TRIP12: variants seen among roughly 807,000 people sequenced by gnomAD.
TRIP12 encodes thyroid hormone receptor interactor 12, also known as E3 ubiquitin-protein ligase TRIP12.
A neutral mutation model predicts 244.2 loss-of-function variants in TRIP12; 25 were observed. The ratio of observed to expected loss-of-function variants is 0.10; its 90% confidence interval spans 0.07 to 0.14. TRIP12 has a LOEUF of 0.14. Ranked by LOEUF, TRIP12 falls within the 10% of genes least tolerant of loss-of-function variation. The pLI is 1.00. For synonymous variants in TRIP12, 905 were observed against 873.1 expected (o/e 1.04, Z -0.64); for missense variants, 1,677 against 2,486.4 (o/e 0.67, Z 6.92).
At chr2:229,810,776 A>G (rs2047071798) in intron 15 of TRIP12, 104 bp downstream of exon 15, 3 of 1,180,652 alleles carry the variant, frequency 2.5e-6, no homozygotes, top group African/African-American at 1.6e-5. Flanking sequence ...TCCAATGCCT[A>G]TAATATTAGT....
chr2:229,921,359 C>G (rs896066640), intron 1 of TRIP12: 1 of 152,916 alleles, frequency 6.5e-6, no homozygotes, highest in African/African-American at 2.4e-5. Context: ...GTTTCCATTT[C>G]CGGGCCGTCC....
At chr2:229,857,015 A>T (rs1325189188) in intron 4 of TRIP12, among the ~76,000 whole-genome samples, 2 of 152,210 alleles carry the variant, frequency 1.3e-5, no homozygotes, top group Non-Finnish European at 2.9e-5. Flanking sequence ...TTGTCATTTC[A>T]GGTAATATGT....
At chr2:229,781,977 T>C (rs1385450540) in intron 34 of TRIP12, among the ~76,000 whole-genome samples, 1 of 152,160 alleles carries the variant, frequency 6.6e-6, no homozygotes, top group African/African-American at 2.4e-5. Flanking sequence ...ACAACCTGTG[T>C]GAAGACATTT....
intron 2 of TRIP12, among the ~76,000 whole-genome samples, chr2:229,864,047 A>AGAGAGAGAGAGAGAGTGTGTGTGT: frequency 3.8e-5 from 3 of 79,288 alleles, no homozygotes; most frequent in Admixed American, 1.3e-4. Flanking sequence ...AGAGAGAGAG[A>AGAGAGAGAGAGAGAGTGTGTGTGT]GTGTGTGTGT....
Position 229,795,282 on chromosome 2 carries a change from G to A in TRIP12, c.3865C>T (p.Pro1289Ser), listed in dbSNP as rs766563649. Residue 1289 changes from proline (P) to serine (S), a missense_variant, in exon 26 of 42, where the codon CCT becomes TCT. By Grantham distance (74) the Pro-to-Ser change is moderately conservative. Coordinates refer to ENST00000675903, the MANE Select transcript of TRIP12 (RefSeq NM_001348323.3). ...ATCTTGTGAACTAATGCCAACAAAGGTGCATTACCCACTGGTTCCACTCTT... is the reference window on the plus strand; with the variant it reads ...ATCTTGTGAACTAATGCCAACAAAGATGCATTACCCACTGGTTCCACTCTT... ...IGRVEPVGNA[P>S]LLALVHKMNN... 6.2e-6 allele frequency: 10 copies of A among 1,613,978 alleles called. No homozygotes were observed. Among genetic ancestry groups the A allele is most frequent in the South Asian group, 1.1e-5 (1 of 91,068 alleles).
At chr2:229,782,079 C>G (rs997412335) in intron 34 of TRIP12, among the ~76,000 whole-genome samples, 1 of 152,138 alleles carries the variant, frequency 6.6e-6, no homozygotes, top group African/African-American at 2.4e-5. Context: ...GAAAAATATG[C>G]TGAAGAAAGT....
At chr2:229,902,091 T>A (rs928506124) in intron 1 of TRIP12, among the ~76,000 whole-genome samples, 2 of 152,082 alleles carry the variant, frequency 1.3e-5, no homozygotes, top group African/African-American at 4.8e-5. Context: ...TAACCTCTAA[T>A]TGAAATTAAA....
rs564003683 is a variant in TRIP12, at chr2:229,898,688, C to T, written c.-49-18560G>A. 8.5e-5 allele frequency among the ~76,000 whole-genome samples: 13 copies of T among 152,172 alleles called. No individual in the cohort carries two copies. The East Asian group carries it at 2.5e-3, about 29-fold the overall frequency. On this transcript the variant is annotated intron_variant, in intron 1 of 41. Transcript: ENST00000675903. ...CTTCTCTAAAATTTGCATCAGATAG[C>T]ATTTTGTTTAAATTTTTTTTTAAAG...
chr2:229,880,713 G>A (rs1300047871), intron 1 of TRIP12, among the ~76,000 whole-genome samples: 2 of 152,234 alleles, frequency 1.3e-5, no homozygotes, highest in East Asian at 1.9e-4. Flanking sequence ...GGAGGCTGAG[G>A]TGGGTGGATC....
Position 229,778,752 on chromosome 2 carries a change from A to G in TRIP12, c.5209+124T>C. Reference sequence around the variant, plus strand: ...AGGCCTTCCCTATTTGATAAATGAGAAAACAGAGGCTAAAAGAAAGCAAGT... The same window carrying G: ...AGGCCTTCCCTATTTGATAAATGAGGAAACAGAGGCTAAAAGAAAGCAAGT... On this transcript the variant is annotated intron_variant, in intron 35 of 41. Transcript: ENST00000675903. The surrounding 1 kb of genome is among the most constrained non-coding windows in gnomAD (Gnocchi z 4.1). 2.2e-6 allele frequency: 3 copies of G among 1,338,882 alleles called. No individual in the cohort carries two copies. The South Asian group carries it at 4.1e-5, about 18-fold the overall frequency. 82.9% of individuals were successfully genotyped at this position (1,338,882 alleles called of 1,614,324 possible).
intron 34 of TRIP12, among the ~76,000 whole-genome samples, chr2:229,782,185 A>G (rs1456803428): frequency 6.6e-6 from 1 of 152,108 alleles, no homozygotes; most frequent in African/African-American, 2.4e-5. Context: ...CCAACATATA[A>G]GAATCGCATC....
chr2:229,922,270 G>GTA, upstream of TRIP12: 3 of 526,214 alleles, frequency 5.7e-6, no homozygotes, highest in Admixed American at 3.3e-5. Flanking sequence ...CTCCGCCGGG[G>GTA]TCACCCCCTC....
At chr2:229,877,009 T>A (rs1306249378) in intron 2 of TRIP12, among the ~76,000 whole-genome samples, 3 of 151,938 alleles carry the variant, frequency 2.0e-5, no homozygotes, top group Admixed American at 6.5e-5. Context: ...CTCATTTTTT[T>A]AAAATACATG....
chr2:229,772,985 A>G (rs1374185130), intron 38 of TRIP12, among the ~76,000 whole-genome samples: 5 of 152,284 alleles, frequency 3.3e-5, no homozygotes, highest in Non-Finnish European at 5.9e-5. Flanking sequence ...AAGGATCTAT[A>G]TAGTGGTAAT....
At chr2:229,810,779 A>G (rs958023671) in intron 15 of TRIP12, 101 bp downstream of exon 15, 31 of 1,197,666 alleles carry the variant, frequency 2.6e-5, no homozygotes, top group African/African-American at 4.6e-5. Context: ...AATGCCTATA[A>G]TATTAGTAAT....
Position 229,796,661 on chromosome 2 carries a change from T to G in TRIP12, c.3746A>C (p.Lys1249Thr), listed in dbSNP as rs1473028942. The G allele has an allele frequency of 1.2e-6, 2 of 1,612,906 alleles. No homozygotes were observed. The highest frequency in any genetic ancestry group is 2.2e-5 in the South Asian group (2 of 90,778). Residue 1249 changes from lysine to threonine, a missense_variant, in exon 25 of 42, where the codon AAA becomes ACA. Transcript: ENST00000675903. The part of the protein sequence containing the change: ...VKQLLLYLTS[K>T]SEKDAVSREI... ...TCTGCTCACAGCATCCTTTTCACTT[T>G]TAGATGTCAAATAAAGCAACAGCTG...
chr2:229,902,923 T>A (rs1355782435), intron 1 of TRIP12, among the ~76,000 whole-genome samples: 1 of 152,064 alleles, frequency 6.6e-6, no homozygotes, highest in Non-Finnish European at 1.5e-5. Context: ...CATATTAGAC[T>A]GCATATTAGA....
In TRIP12 at chr2:229,778,031, C is replaced by A. The variant is rs977597195; in HGVS notation, c.5364+402G>T. On this transcript the variant is annotated intron_variant, in intron 36 of 41. Transcript: ENST00000675903. This position sits in a 1 kb window ranked among gnomAD's most constrained non-coding sequence, Gnocchi z 4.1. ...ATACTGATCACTCGGGTTATTTTCA[C>A]AACAGCACTCTAATGTAAATTTAAT... 6.6e-6 allele frequency among the ~76,000 whole-genome samples: 1 copy of A among 152,196 alleles called. No individual in the cohort carries two copies. Among genetic ancestry groups the A allele is most frequent in the Non-Finnish European group, 1.5e-5 (1 of 68,030 alleles).
intron 21 of TRIP12, among the ~76,000 whole-genome samples, chr2:229,800,311 A>C (rs532749943): frequency 5.0e-4 from 76 of 152,350 alleles, no homozygotes; most frequent in African/African-American, 1.8e-3. Context: ...AATCATTTGC[A>C]AAATTAAACA....
Sources: allele counts gnomAD v4.1 joint callset (sites outside exome capture counted in the v4.1 genomes callset), GRCh38; gene constraint gnomAD v4.1.1; non-coding constraint Gnocchi (gnomAD v3.1); transcripts MANE v1.5; gene names NCBI Gene and HGNC (gene_info 2026-07-23, HGNC 2026-07-21).